Variants in TCF12 observed in about 807,000 individuals in gnomAD.
TCF12 encodes DNA-binding protein HTF4.
A neutral mutation model predicts 86.0 loss-of-function variants in TCF12; 45 were observed. The ratio of observed to expected loss-of-function variants is 0.52; its 90% CI spans 0.41 to 0.67. The LOEUF is 0.67. Among genes scored for constraint, TCF12 ranks in the 30% least tolerant of loss-of-function variants. TCF12 has a pLI of 0.00. For synonymous variants in TCF12, 330 were observed against 299.6 expected (o/e 1.10, Z -1.05); for missense variants, 881 against 859.9 (o/e 1.02, Z -0.31).
At chr15:57,204,987 G>A (rs1050872046) in intron 8 of TCF12, among the ~76,000 whole-genome samples, 27 of 152,084 alleles carry the variant, frequency 1.8e-4, no homozygotes, top group Non-Finnish European at 5.9e-5. Flanking sequence ...AAGTCACTAG[G>A]AAGCCAAGAT....
chr15:56,949,069 AAACAGTTGTT>A, intron 3 of TCF12, among the ~76,000 whole-genome samples: 1 of 152,356 alleles, frequency 6.6e-6, no homozygotes, highest in Middle Eastern at 3.4e-3. Flanking sequence ...TGAAAAGGCA[AAACAGTTGTT>A]AACTATAAAA....
At chr15:56,961,728 A>G (rs1235635056) in intron 3 of TCF12, among the ~76,000 whole-genome samples, 1 of 152,212 alleles carries the variant, frequency 6.6e-6, no homozygotes, top group Non-Finnish European at 1.5e-5. Flanking sequence ...GGAAGCTATG[A>G]GAGTGTATCA....
At chr15:57,167,514 T>C (rs112579536) in intron 6 of TCF12, among the ~76,000 whole-genome samples, 6,244 of 151,212 alleles carry the variant, frequency 0.041, 360 homozygotes, top group African/African-American at 0.13. Context: ...TGACCCATGA[T>C]TGCACCACTG....
chr15:57,204,468 AAAAG>A (rs1176712664), intron 8 of TCF12, among the ~76,000 whole-genome samples: 67 of 152,272 alleles, frequency 4.4e-4, no homozygotes, highest in African/African-American at 1.5e-3. Flanking sequence ...AAAAAAAAGA[AAAAG>A]AAAAGAGGTA....
intron 8 of TCF12, among the ~76,000 whole-genome samples, chr15:57,202,279 C>A (rs1458755871): frequency 6.6e-6 from 1 of 151,954 alleles, no homozygotes; most frequent in African/African-American, 2.4e-5. Context: ...AAATATCTTG[C>A]TTAGTATATT....
chr15:57,284,356 C>CA (rs2061839954), intron 20 of TCF12, among the ~76,000 whole-genome samples: 1 of 152,016 alleles, frequency 6.6e-6, no homozygotes, highest in Non-Finnish European at 1.5e-5. Context: ...TACAGACATA[C>CA]ACCACCACGC....
At chr15:57,181,071 C>A (rs2056317365) in intron 6 of TCF12, among the ~76,000 whole-genome samples, 1 of 151,944 alleles carries the variant, frequency 6.6e-6, no homozygotes, top group South Asian at 2.1e-4. Flanking sequence ...GCCTCGGTCT[C>A]CCAAAGTGCT....
intron 8 of TCF12, among the ~76,000 whole-genome samples, chr15:57,203,174 G>T (rs1238236596): frequency 6.6e-6 from 1 of 152,162 alleles, no homozygotes; most frequent in African/African-American, 2.4e-5. Flanking sequence ...TCTACAAAAG[G>T]AAGGAAAACT....
rs558037297 is a variant in TCF12, at chr15:57,052,373, C to T, written c.149-11377C>T. Among the ~76,000 whole-genome samples, 12 of 152,054 alleles carry T rather than the reference C, an allele frequency of 7.9e-5. No individual in the cohort carries two copies. The East Asian group carries it at 1.4e-3, about 17-fold the overall frequency. On this transcript the variant is annotated intron_variant, in intron 3 of 20. Coordinates refer to ENST00000333725, the MANE Select transcript of TCF12 (RefSeq NM_207037.2). ...AGTAAAAAACTATAGCTAGGCCGGG[C>T]GTGGTGGCAGTCTCAGCACTTTGGG...
chr15:56,994,505 A>G (rs1172737424), intron 3 of TCF12, among the ~76,000 whole-genome samples: 1 of 152,120 alleles, frequency 6.6e-6, no homozygotes, highest in African/African-American at 2.4e-5. Flanking sequence ...ATCCAAATAA[A>G]TTTATGCCCA....
chr15:56,937,363 C>CT lies in TCF12; in HGVS notation c.148+16278dup, dbSNP rs538337171. On this transcript the variant is annotated intron_variant, in intron 3 of 20. Transcript: ENST00000333725. ...TGAATTCATGTATGAGTTCTAGGAA[C>CT]TTTTTTTTTTTTTGAGACGGAGTCA... Among the ~76,000 whole-genome samples the CT allele has an allele frequency of 6.0e-3, 862 of 144,520 alleles. 9 individuals are homozygous for CT. Among genetic ancestry groups the CT allele is most frequent in the African/African-American group, 0.018 (711 of 39,756 alleles). The allele number at this position is 144,520 out of a possible 152,430, so 94.8% of individuals were successfully genotyped here.
At position 57,127,213 on chromosome 15, in the gene TCF12, C is replaced by T. The variant is rs570097836; in HGVS notation, c.325+35322C>T. On this transcript the variant is annotated intron_variant, in intron 5 of 20. Coordinates refer to ENST00000333725, the MANE Select transcript of TCF12 (RefSeq NM_207037.2). The stretch of plus-strand genomic sequence containing the variant: ...GGCCAGGCTGGTCTCGAACTCCTGA[C>T]CTTAGGTGATCCATTCATCTTGGCC... Among the ~76,000 whole-genome samples, 3 of 152,114 alleles carry T rather than the reference C, an allele frequency of 2.0e-5. No individual in the cohort carries two copies. The South Asian group carries it at 6.2e-4, about 32-fold the overall frequency.
At chr15:57,131,393 T>C (rs1376101006) in intron 5 of TCF12, among the ~76,000 whole-genome samples, 2 of 152,198 alleles carry the variant, frequency 1.3e-5, no homozygotes, top group Non-Finnish European at 2.9e-5. Flanking sequence ...GGTTTTATGA[T>C]CTTTTTATTA....
At chr15:57,181,989 GATT>G (rs1372059097) in intron 6 of TCF12, among the ~76,000 whole-genome samples, 5 of 152,124 alleles carry the variant, frequency 3.3e-5, no homozygotes, top group African/African-American at 1.2e-4. Context: ...CTATAAAAAA[GATT>G]ATTTTCCAAG....
Position 57,124,068 on chromosome 15 carries a change from A to G in TCF12, c.325+32177A>G, listed in dbSNP as rs549772903. ...GAGCTCAAGTGATCCCGCTACCTCAACCTCCCAAAGTGCTGGGATTATAGA... is the reference window on the plus strand; with the variant it reads ...GAGCTCAAGTGATCCCGCTACCTCAGCCTCCCAAAGTGCTGGGATTATAGA... On this transcript the variant is annotated intron_variant, in intron 5 of 20. Coordinates refer to ENST00000333725, the MANE Select transcript of TCF12 (RefSeq NM_207037.2). Among the ~76,000 whole-genome samples, 10 of 151,488 alleles carry G rather than the reference A, an allele frequency of 6.6e-5. No individual in the cohort carries two copies. In the South Asian group the frequency reaches 1.7e-3, roughly 25 times the overall value.
chr15:56,974,298 A>G (rs1019082640), intron 3 of TCF12, among the ~76,000 whole-genome samples: 1 of 152,058 alleles, frequency 6.6e-6, no homozygotes, highest in Admixed American at 6.5e-5. Flanking sequence ...AGACAGGAAA[A>G]CAGAGAGGAA....
rs1232702642 is a variant in TCF12 at position 57,282,411 on chromosome 15, C to T, written c.1979-34C>T. 5 of 1,613,596 alleles carry T rather than the reference C, an allele frequency of 3.1e-6. No homozygotes were observed. The South Asian group carries it at 5.5e-5, about 18-fold the overall frequency. ...TTGAGACCTAATTCATAACTTAAAA[C>T]CATAGTGATAAAAATTCTTTCCCCC... On this transcript the variant is annotated intron_variant, in intron 19 of 20. Transcript: ENST00000333725.
rs552524032 is a variant in TCF12 at position 57,139,159 on chromosome 15, C to T, written c.326-27243C>T. ...TTTTCTCTCTCCCTTCTCACCTCTC[C>T]TTGACTTCTCTTTTTCTAGTTACTC... On this transcript the variant is annotated intron_variant, in intron 5 of 20. Coordinates refer to ENST00000333725, the MANE Select transcript of TCF12 (RefSeq NM_207037.2). Among the ~76,000 whole-genome samples, 59 of 152,212 alleles carry T rather than the reference C, an allele frequency of 3.9e-4. 1 individual carries two copies. Among genetic ancestry groups the T allele is most frequent in the African/African-American group, 1.3e-3 (54 of 41,524 alleles).
intron 5 of TCF12, among the ~76,000 whole-genome samples, chr15:57,107,275 G>GT (rs746498562): frequency 1.4e-5 from 2 of 142,034 alleles, no homozygotes; most frequent in Non-Finnish European, 3.1e-5. Context: ...TGGAGGAACC[G>GT]TAAGTGCAGA....
Sources: gnomAD v4.1 joint callset for allele counts (sites outside exome capture counted in the v4.1 genomes callset) on GRCh38, gnomAD v4.1.1 for gene constraint, MANE v1.5 for transcripts, NCBI Gene and HGNC (gene_info 2026-07-23, HGNC 2026-07-21) for gene names.